The following IDH3A variants were observed in gnomAD, a reference collection of about 807,000 sequenced individuals.
IDH3A encodes the protein isocitrate dehydrogenase [NAD] subunit alpha, mitochondrial.
IDH3A carries 23 observed loss-of-function variants against 43.3 expected under a neutral mutation model. That is an observed-to-expected ratio of 0.53 (90% CI 0.38 to 0.75). The LOEUF (loss-of-function observed/expected upper bound fraction) is 0.75, where lower values mean the gene tolerates loss of function less well. Ranked by LOEUF, IDH3A falls within the 30% of genes least tolerant of loss-of-function variation. The probability of loss-of-function intolerance (pLI) is 0.00; values close to 1 mark genes in which losing one functional copy is unlikely to be tolerated. For synonymous variants in IDH3A, 154 were observed against 163.5 expected (o/e 0.94, Z 0.44); for missense variants, 329 against 474.4 (o/e 0.69, Z 2.85).
At position 78,166,301 on chromosome 15, in the gene IDH3A, A is replaced by G; in HGVS notation, c.1016A>G (p.Lys339Arg). Residue 339 changes from lysine (K) to arginine (R), a missense_variant and splice_region_variant, in exon 10 of 11, where the codon AAG becomes AGG. Physicochemically the swap from Lys to Arg is conservative, Grantham distance 26. Around this residue, in one of 3 missense-constraint regions of IDH3A, gnomAD observed 91 missense variants for 111.6 expected, o/e 0.82. Transcript: ENST00000299518. ...TGTTTTGCTACAATTAAGGACGGAA[A>G]GGTAACAGGAATCTTGATTTACTTG... ...AACFATIKDGKSLTKDLGGNA... is the reference protein window; with the variant it reads ...AACFATIKDGRSLTKDLGGNA... 6.2e-7 allele frequency: 1 copy of G among 1,614,120 alleles called. No homozygotes were observed. Among genetic ancestry groups the G allele is most frequent in the African/African-American group, 1.3e-5 (1 of 75,064 alleles).
rs2074819376 is a variant in IDH3A, at chr15:78,171,387, G to A, written c.*2382G>A. The A allele has an allele frequency of 3.4e-6, 5 of 1,463,910 alleles. No individual in the cohort carries two copies. The East Asian group carries it at 1.1e-4, about 33-fold the overall frequency. 90.7% of individuals were successfully genotyped at this position (1,463,910 alleles called of 1,614,324 possible). A position where few individuals can be genotyped will look rare whatever the true frequency, so the allele number is the denominator to read the frequency against. On this transcript the variant is annotated 3_prime_UTR_variant, in exon 11 of 11. Transcript: ENST00000299518. ...CAGACTGAAGAGACCTGGGGCTCAG[G>A]AAGAGGCTCGGAACGCCTGCCCTCT...
rs1317094623 is a variant in IDH3A at position 78,169,063 on chromosome 15, G to A, written c.*58G>A. ...CTAAATGGACACCACATGAACCTCT[G>A]TTTAGAATACCTACGTATGTATGCA... On this transcript the variant is annotated 3_prime_UTR_variant, in exon 11 of 11. Coordinates refer to ENST00000299518, the MANE Select transcript of IDH3A (RefSeq NM_005530.3). 6 of 1,049,346 alleles carry A rather than the reference G, an allele frequency of 5.7e-6. No homozygotes were observed. Among genetic ancestry groups the A allele is most frequent in the Non-Finnish European group, 8.8e-6 (6 of 682,420 alleles). The allele number at this position is 1,049,346 out of a possible 1,614,324, so 65.0% of individuals were successfully genotyped here. A position where few individuals can be genotyped will look rare whatever the true frequency, so the allele number is the denominator to read the frequency against.
rs1338121896 is a variant in IDH3A at position 78,160,180 on chromosome 15, T to C, written c.263T>C (p.Met88Thr). The C allele has an allele frequency of 1.2e-6, 2 of 1,608,984 alleles. No individual in the cohort carries two copies. The highest frequency in any genetic ancestry group is 1.3e-5 in the African/African-American group (1 of 74,788). ...ATCCCTTCAGAGGCTAAAGAGTCCA[T>C]GGATAAGAACAAGATGGGCTTGAAA... ...WMIPSEAKES[M>T]DKNKMGLKGP... Residue 88 changes from methionine to threonine, a missense_variant, in exon 4 of 11, where the codon ATG (methionine) becomes ACG (threonine). This residue lies in a region of IDH3A where 212 missense variants were observed against 345.5 expected (regional missense o/e 0.61). Transcript: ENST00000299518.
At chr15:78,157,414 A>T in intron 2 of IDH3A, 134 bp from the exon 3 acceptor site, 1 of 665,324 alleles carries the variant, frequency 1.5e-6, no homozygotes, top group East Asian at 2.8e-5. Flanking sequence ...CCGGGGAGGT[A>T]TGTTTGTTTT....
chr15:78,166,090 C>CA, intron 9 of IDH3A, 60 bp from the exon 10 acceptor site: 2 of 1,520,532 alleles, frequency 1.3e-6, no homozygotes, highest in South Asian at 2.3e-5. Flanking sequence ...CCAGCTTCCC[C>CA]AGAAGAGGAC....
At chr15:78,155,528 T>C (rs1269334126) in intron 2 of IDH3A, 7 of 308,942 alleles carry the variant, frequency 2.3e-5, no homozygotes, top group African/African-American at 1.5e-4. Flanking sequence ...TTGTTAAAAA[T>C]AGAAAGTACC....
rs570278353 is a variant in IDH3A, at chr15:78,156,920, A to C, written c.91-628A>C. The C allele has an allele frequency of 6.1e-5, 83 of 1,351,848 alleles. 1 individual carries two copies. The highest frequency in any genetic ancestry group is 4.6e-5 in the Non-Finnish European group (47 of 1,021,678). The allele number at this position is 1,351,848 out of a possible 1,614,324, so 83.7% of individuals were successfully genotyped here. On this transcript the variant is annotated intron_variant, in intron 2 of 10. Coordinates refer to ENST00000299518, the MANE Select transcript of IDH3A (RefSeq NM_005530.3). ...TTTTTGGTTGCAGATCAACTTTGCC[A>C]AGCTTATGTAGATTACTCTTAGATT...
rs1036706055 is a variant in IDH3A at position 78,169,160 on chromosome 15, C to T, written c.*155C>T. ...CTTAACAAAATCTGTGCAAAAGATGCAGGTGGATGTCCCTAGGTCTGTTTT... is the reference window on the plus strand; with the variant it reads ...CTTAACAAAATCTGTGCAAAAGATGTAGGTGGATGTCCCTAGGTCTGTTTT... On this transcript the variant is annotated 3_prime_UTR_variant, in exon 11 of 11. Transcript: ENST00000299518. 4 of 471,950 alleles carry T rather than the reference C, an allele frequency of 8.5e-6. No individual in the cohort carries two copies. The highest frequency in any genetic ancestry group is 5.9e-5 in the African/African-American group (3 of 50,982). The allele number at this position is 471,950 out of a possible 1,614,324, so 29.2% of individuals were successfully genotyped here. A position where few individuals can be genotyped will look rare whatever the true frequency, so the allele number is the denominator to read the frequency against.
rs754117608 is a variant in IDH3A at position 78,163,649 on chromosome 15, G to C, written c.714+40G>C. 1.2e-5 allele frequency: 19 copies of C among 1,550,466 alleles called. No homozygotes were observed. In the South Asian group the frequency reaches 2.1e-4, roughly 17 times the overall value. ...ACACTTACCTGCTACTTTTTATGGT[G>C]AATGGTGTCTGTGTGTTGTGGGGAT... On this transcript the variant is annotated intron_variant, in intron 7 of 10. Transcript: ENST00000299518.
intron 3 of IDH3A, among the ~76,000 whole-genome samples, chr15:78,159,051 T>C (rs1240769271): frequency 6.6e-6 from 1 of 152,142 alleles, no homozygotes; most frequent in Non-Finnish European, 1.5e-5. Flanking sequence ...TAGGCTGGGC[T>C]GGAACTCCTG....
intron 2 of IDH3A, 42 bp downstream of exon 2, chr15:78,155,317 T>C (rs773379077): frequency 7.3e-7 from 1 of 1,377,870 alleles, no homozygotes; most frequent in Non-Finnish European, 1.0e-6. Flanking sequence ...TTTAGAAGTT[T>C]CTCAAGAAAG....
chr15:78,166,219 G>T lies in IDH3A; in HGVS notation c.934G>T (p.Val312Leu), dbSNP rs369949545. Residue 312 changes from valine to leucine, a missense_variant, in exon 10 of 11, where the codon GTG becomes TTG. By Grantham distance (32) the Val-to-Leu change is conservative. Transcript: ENST00000299518. ...ANPTALLLSA[V>L]MMLRHMGLFD... is the part of the protein sequence containing the mutation. ...TCCCACAGCCCTCCTGCTCAGTGCC[G>T]TGATGATGCTGCGCCACATGGGACT... The T allele has an allele frequency of 3.1e-6, 5 of 1,614,158 alleles. No homozygotes were observed. The South Asian group carries it at 5.5e-5, about 18-fold the overall frequency.
chr15:78,153,741 G>A (rs572608084), intron 1 of IDH3A, among the ~76,000 whole-genome samples: 22 of 152,298 alleles, frequency 1.4e-4, no homozygotes, highest in African/African-American at 4.8e-4. Flanking sequence ...TAATGCAGCC[G>A]GGTGTGGTGG....
rs1197051869 is a variant in IDH3A, at chr15:78,170,735, G to A, written c.*1730G>A. 1 of 152,380 alleles carries A rather than the reference G, an allele frequency of 6.6e-6. No homozygotes were observed. The highest frequency in any genetic ancestry group is 2.4e-5 in the African/African-American group (1 of 41,390). 9.4% of individuals were successfully genotyped at this position (152,380 alleles called of 1,614,324 possible). On this transcript the variant is annotated 3_prime_UTR_variant, in exon 11 of 11. Transcript: ENST00000299518. ...CATCCTGCACCTTTGTTTATTCCAG[G>A]GCACTAATGGTCACTCGCATGCCCG...
chr15:78,156,677 C>G (rs2074625961), intron 2 of IDH3A, among the ~76,000 whole-genome samples: 1 of 152,132 alleles, frequency 6.6e-6, no homozygotes, highest in Non-Finnish European at 1.5e-5. Context: ...AGCCAAGCCC[C>G]TAGGTGGGGT....
intron 8 of IDH3A, 94 bp downstream of exon 8, chr15:78,163,874 G>T: frequency 1.3e-6 from 1 of 796,602 alleles, no homozygotes. Context: ...TGAGTATTGT[G>T]AAATAGAGTA....
chr15:78,151,736 C>T (rs916642893), intron 1 of IDH3A, among the ~76,000 whole-genome samples: 4 of 151,972 alleles, frequency 2.6e-5, no homozygotes, highest in African/African-American at 7.3e-5. Flanking sequence ...TCAGTTTCCT[C>T]ATCTGAAAAG....
chr15:78,169,047 C>A lies in IDH3A; in HGVS notation c.*42C>A. 8.1e-7 allele frequency: 1 copy of A among 1,235,598 alleles called. No homozygotes were observed. Among genetic ancestry groups the A allele is most frequent in the Non-Finnish European group, 1.2e-6 (1 of 842,912 alleles). 76.5% of individuals were successfully genotyped at this position (1,235,598 alleles called of 1,614,324 possible). On this transcript the variant is annotated 3_prime_UTR_variant, in exon 11 of 11. Coordinates refer to ENST00000299518, the MANE Select transcript of IDH3A (RefSeq NM_005530.3). ...ATTTACATCAGTCACTCTAAATGGA[C>A]ACCACATGAACCTCTGTTTAGAATA...
intron 1 of IDH3A, 104 bp downstream of exon 1, chr15:78,149,534 A>G (rs1374891680): frequency 3.0e-6 from 3 of 997,230 alleles, no homozygotes; most frequent in African/African-American, 1.7e-5. Flanking sequence ...CCAGACAGGG[A>G]GGCGGTGGCT....
Sources: gnomAD v4.1 joint callset for allele counts (sites outside exome capture counted in the v4.1 genomes callset) on GRCh38, gnomAD v4.1.1 for gene constraint, gnomAD v4.1.1 regional missense constraint, MANE v1.5 for transcripts, NCBI Gene and HGNC (gene_info 2026-07-23, HGNC 2026-07-21) for gene names.